SAMD5: variants seen among roughly 807,000 people sequenced by gnomAD.
SAMD5 encodes the protein sterile alpha motif domain containing 5.
Under a neutral mutation model 11.3 loss-of-function variants are expected in SAMD5, and 13 were observed. That is an observed-to-expected ratio of 1.15 (90% CI 0.75 to 1.83). The LOEUF is 1.83. Ranked by LOEUF, SAMD5 falls within the 40% of genes most tolerant of loss-of-function variation. The probability of loss-of-function intolerance (pLI) is 0.00; values close to 1 mark genes in which losing one functional copy is unlikely to be tolerated. For missense variants in SAMD5, 255 were observed against 239.1 expected (o/e 1.07, Z -0.44); for synonymous variants, 129 against 111.3 (o/e 1.16, Z -1.00).
At chr6:147,925,950 G>T in the SAMD5 span, among the ~76,000 whole-genome samples, 2 of 152,184 alleles carry the variant, frequency 1.3e-5, no homozygotes, top group South Asian at 4.1e-4. Context: ...TTTGGGTTTT[G>T]TTCCTCCATT....
chr6:147,789,050 C>G, the SAMD5 span, among the ~76,000 whole-genome samples: 2 of 150,944 alleles, frequency 1.3e-5, no homozygotes, highest in African/African-American at 2.4e-5. Context: ...CGCCACTGCA[C>G]TCCAGCCTGG....
At chr6:147,572,775 C>T (rs9403861), downstream of SAMD5, among the ~76,000 whole-genome samples, 5 of 152,208 alleles carry the variant, frequency 3.3e-5, no homozygotes, top group South Asian at 1.0e-3. Flanking sequence ...TACTGCCAGA[C>T]AAAATACCAA....
At chr6:147,797,378 T>C in the SAMD5 span, among the ~76,000 whole-genome samples, 9 of 124,890 alleles carry the variant, frequency 7.2e-5, 1 homozygote. Context: ...ATTTATTGAT[T>C]TGCATATATT....
the SAMD5 span, among the ~76,000 whole-genome samples, chr6:147,838,555 A>T: frequency 7.7e-4 from 93 of 120,772 alleles, no homozygotes; most frequent in Non-Finnish European, 1.3e-4. Context: ...GTTATTGTTT[A>T]TATATTATCA....
At chr6:147,908,950 T>A in the SAMD5 span, among the ~76,000 whole-genome samples, 1 of 152,074 alleles carries the variant, frequency 6.6e-6, no homozygotes, top group African/African-American at 2.4e-5. Context: ...ACTCAACGAC[T>A]ATAATCCCAG....
the SAMD5 span, among the ~76,000 whole-genome samples, chr6:147,816,301 A>AATATATAT: frequency 1.4e-3 from 93 of 66,242 alleles, no homozygotes; most frequent in African/African-American, 5.5e-3. Context: ...AAAAAAAAAA[A>AATATATAT]ATATATATAT....
the SAMD5 span, among the ~76,000 whole-genome samples, chr6:147,781,788 A>G: frequency 5.7e-3 from 859 of 149,430 alleles, 7 homozygotes; most frequent in African/African-American, 0.02. Context: ...ACACACACAC[A>G]CACACACACA....
chr6:147,562,074 T>C (rs1788959305), intron 1 of SAMD5, among the ~76,000 whole-genome samples: 1 of 152,196 alleles, frequency 6.6e-6, no homozygotes, highest in Non-Finnish European at 1.5e-5. Context: ...ATCAGAGGCA[T>C]GAGAGGTTTT....
At chr6:147,625,015 C>A (rs117401230) in intron 1 of SAMD5, among the ~76,000 whole-genome samples, 2 of 152,266 alleles carry the variant, frequency 1.3e-5, no homozygotes, top group African/African-American at 4.8e-5. Context: ...TGTAGCTCAG[C>A]GCCCAGAACT....
intron 1 of SAMD5, among the ~76,000 whole-genome samples, chr6:147,687,811 G>C (rs962033077): frequency 6.6e-6 from 1 of 152,178 alleles, no homozygotes; most frequent in Non-Finnish European, 1.5e-5. Context: ...GAAGTCAGCT[G>C]TAAGTTTTAT....
At chr6:147,737,308 A>G in intron 1 of SAMD5, 1 of 1,204,660 alleles carries the variant, frequency 8.3e-7, no homozygotes, top group Non-Finnish European at 1.1e-6. Context: ...TCCTCTTTTT[A>G]TGCTCCAGGT....
intron 1 of SAMD5, among the ~76,000 whole-genome samples, chr6:147,511,519 C>T (rs2128438923): frequency 6.6e-6 from 1 of 152,142 alleles, no homozygotes; most frequent in African/African-American, 2.4e-5. Context: ...CAAAGATATG[C>T]TCCTATTCAC....
chr6:147,712,244 C>T (rs1210583209), intron 1 of SAMD5, among the ~76,000 whole-genome samples: 1 of 152,168 alleles, frequency 6.6e-6, no homozygotes, highest in Non-Finnish European at 1.5e-5. Flanking sequence ...GGAGTTTTAG[C>T]TTTACAAAGT....
At chr6:147,757,155 T>C in the SAMD5 span, among the ~76,000 whole-genome samples, 26 of 152,218 alleles carry the variant, frequency 1.7e-4, no homozygotes, top group Non-Finnish European at 3.2e-4. Context: ...TCTTCACAAG[T>C]TATTCAAGAA....
chr6:147,860,244 T>A, the SAMD5 span, among the ~76,000 whole-genome samples: 4 of 152,200 alleles, frequency 2.6e-5, no homozygotes, highest in Non-Finnish European at 5.9e-5. Context: ...TCTCCCTATG[T>A]GTTCCGTTTG....
chr6:147,625,804 AAG>A (rs531685634), intron 1 of SAMD5, among the ~76,000 whole-genome samples: 65 of 152,338 alleles, frequency 4.3e-4, no homozygotes, highest in African/African-American at 1.6e-3. Context: ...TCTTTAGAGA[AAG>A]AGTTTGCTGG....
At chr6:147,663,271 A>T (rs539305167) in intron 1 of SAMD5, among the ~76,000 whole-genome samples, 1 of 152,318 alleles carries the variant, frequency 6.6e-6, no homozygotes, top group African/African-American at 2.4e-5. Context: ...CTATCAATTG[A>T]GAACACATGG....
At chr6:147,762,626 C>A in the SAMD5 span, among the ~76,000 whole-genome samples, 2 of 152,276 alleles carry the variant, frequency 1.3e-5, no homozygotes, top group African/African-American at 4.8e-5. Flanking sequence ...AGTAGTGGAA[C>A]TTTAGAGATC....
the SAMD5 span, among the ~76,000 whole-genome samples, chr6:147,949,489 C>T: frequency 6.6e-6 from 1 of 152,188 alleles, no homozygotes; most frequent in African/African-American, 2.4e-5. Context: ...AACTTGAAAA[C>T]ACTTTATTTG....
Sources: gnomAD v4.1 joint callset for allele counts (sites outside exome capture counted in the v4.1 genomes callset) on GRCh38, gnomAD v4.1.1 for gene constraint, MANE v1.5 for transcripts, NCBI Gene and HGNC (gene_info 2026-07-23, HGNC 2026-07-21) for gene names.